B4GALNT4: variants seen among roughly 807,000 people sequenced by gnomAD.
B4GALNT4 encodes N-acetyl-beta-glucosaminyl-glycoprotein 4-beta-N-acetylgalactosaminyltransferase 1.
In B4GALNT4, 77 loss-of-function variants were observed where a neutral mutation model predicts 110.0. The ratio of observed to expected loss-of-function variants is 0.70; its 90% CI spans 0.58 to 0.85. The LOEUF (loss-of-function observed/expected upper bound fraction) is 0.85. Among genes scored for constraint, B4GALNT4 ranks in the 40% least tolerant of loss-of-function variants. B4GALNT4 has a pLI of 0.00. For missense variants in B4GALNT4, 1,575 were observed against 1,506.0 expected (o/e 1.05, Z -0.76); for synonymous variants, 785 against 655.5 (o/e 1.20, Z -3.02).
intron 3 of B4GALNT4, 46 bp from the exon 4 acceptor site, chr11:372,806 G>T (rs201405912): frequency 6.6e-6 from 10 of 1,526,074 alleles, no homozygotes; most frequent in Middle Eastern, 2.3e-4. Context: ...GGGCTGGGGC[G>T]GGGGGGCGGC....
rs1185117738 is a variant in B4GALNT4, at chr11:369,972, C to CGGGGGGCGCGGGGGGCG, written c.151+23_151+39dup. On this transcript the variant is annotated intron_variant, in intron 1 of 19. Coordinates refer to ENST00000329962, the MANE Select transcript of B4GALNT4 (RefSeq NM_178537.5). ...CGGGCGAGGTACGGCGCGGGGGGCG[C>CGGGGGGCGCGGGGGGCG]GGGGGGCGCGGGGGGCGGGGGCGGC... 2 of 140,500 alleles carry CGGGGGGCGCGGGGGGCG rather than the reference C, an allele frequency of 1.4e-5. No individual in the cohort carries two copies. Among genetic ancestry groups the CGGGGGGCGCGGGGGGCG allele is most frequent in the African/African-American group, 1.6e-4 (2 of 12,776 alleles). The allele number at this position is 140,500 out of a possible 1,614,324, so 8.7% of individuals were successfully genotyped here.
Position 379,644 on chromosome 11 carries a change from T to C in B4GALNT4, c.2431T>C (p.Cys811Arg). The change falls in exon 15 of 20, where the codon TGC becomes CGC. Residue 811 changes from cysteine (C) to arginine (R), a missense_variant. Coordinates refer to ENST00000329962, the MANE Select transcript of B4GALNT4 (RefSeq NM_178537.5). ...SVRPDGRPELCRPLRLAWRQD... is the reference protein window; with the variant it reads ...SVRPDGRPELRRPLRLAWRQD... ...GCGCCCCGACGGCCGCCCCGAGCTCTGCCGGCCACTGCGCCTGGCCTGGCG... is the reference window on the plus strand; with the variant it reads ...GCGCCCCGACGGCCGCCCCGAGCTCCGCCGGCCACTGCGCCTGGCCTGGCG... 1 of 1,505,274 alleles carries C rather than the reference T, an allele frequency of 6.6e-7. No individual in the cohort carries two copies. Among genetic ancestry groups the C allele is most frequent in the Non-Finnish European group, 8.8e-7 (1 of 1,131,286 alleles). The allele number at this position is 1,505,274 out of a possible 1,614,324, so 93.2% of individuals were successfully genotyped here.
intron 14 of B4GALNT4, among the ~76,000 whole-genome samples, chr11:378,070 G>A (rs190571713): frequency 9.9e-4 from 151 of 152,308 alleles, no homozygotes; most frequent in Non-Finnish European, 1.6e-3. Flanking sequence ...GTGATGGAAG[G>A]TTGCGAGCAG....
chr11:370,162 G>A (rs1846591958), intron 1 of B4GALNT4, among the ~76,000 whole-genome samples: 1 of 151,836 alleles, frequency 6.6e-6, no homozygotes, highest in South Asian at 2.1e-4. Flanking sequence ...GGGGGGAGGG[G>A]GCGCGGTTCG....
chr11:373,306 G>A lies in B4GALNT4; in HGVS notation c.636+15G>A. ...TTGTGGGCAAGGTACCCCCACCCCA[G>A]CCCTGGTGTCGTCCCGGGCCTCCTG... On this transcript the variant is annotated intron_variant, in intron 6 of 19. Coordinates refer to ENST00000329962, the MANE Select transcript of B4GALNT4 (RefSeq NM_178537.5). The A allele has an allele frequency of 1.2e-6, 2 of 1,604,236 alleles. No individual in the cohort carries two copies. Among genetic ancestry groups the A allele is most frequent in the Non-Finnish European group, 1.7e-6 (2 of 1,174,454 alleles).
intron 7 of B4GALNT4, 54 bp from the exon 8 acceptor site, chr11:373,696 T>A: frequency 6.3e-7 from 1 of 1,587,970 alleles, no homozygotes. Flanking sequence ...CTTCCCTGCC[T>A]CCACTATTTG....
In B4GALNT4 at chr11:373,249, C is replaced by T. The variant is rs748120421; in HGVS notation, c.594C>T (p.Asp198=). The change falls in exon 6 of 20, where the codon GAC becomes GAT. Residue 198 remains aspartate, a synonymous_variant. Transcript: ENST00000329962. ...ACTCGGAGTTCTGGCTGAGTCTGGA[C>T]GAGAGCCCTGCTGCTGCCCAGCTTG... is the stretch of plus-strand genomic sequence containing the variant. ...DDNSEFWLSL[D]ESPAAAQLVA... The T allele has an allele frequency of 2.7e-5, 43 of 1,611,926 alleles. No homozygotes were observed. The highest frequency in any genetic ancestry group is 3.3e-5 in the Non-Finnish European group (39 of 1,179,372).
In B4GALNT4 at chr11:375,704, G is replaced by A. The variant is rs980165453; in HGVS notation, c.916G>A (p.Gly306Arg). The change falls in exon 10 of 20, where the codon GGG becomes AGG. Residue 306 changes from glycine to arginine, a missense_variant. Coordinates refer to ENST00000329962, the MANE Select transcript of B4GALNT4 (RefSeq NM_178537.5). The stretch of plus-strand genomic sequence containing the variant: ...CCAGTCTCCAGCCAGCCACGTGGGG[G>A]GGCGTCCGCCGCAGGAGGAGACCAG... ...VPQSPASHVGGRPPQEETSAD... is the reference protein window; with the variant it reads ...VPQSPASHVGRRPPQEETSAD... The A allele has an allele frequency of 4.4e-6, 7 of 1,594,486 alleles. No homozygotes were observed. Among genetic ancestry groups the A allele is most frequent in the African/African-American group, 2.7e-5 (2 of 74,878 alleles).
intron 2 of B4GALNT4, 25 bp downstream of exon 2, chr11:372,237 C>T (rs749035349): frequency 2.1e-5 from 32 of 1,542,744 alleles, no homozygotes; most frequent in African/African-American, 5.5e-5. Flanking sequence ...GGGGAGAACA[C>T]GTGTGCACGG....
At chr11:373,573 G>A (rs970661703) in intron 7 of B4GALNT4, 57 bp downstream of exon 7, 25 of 1,577,400 alleles carry the variant, frequency 1.6e-5, no homozygotes, top group South Asian at 5.5e-5. Flanking sequence ...AGGGGGTTAC[G>A]CGCTGTCTCC....
In B4GALNT4 at chr11:373,419, C is replaced by CCCCCGCCA. The variant is rs10624593; in HGVS notation, c.637-30_637-29insCCCCGCCA. ...CAGGGAGAGAGTGAACCCCCCCCCC[C>CCCCCGCCA]ACCACCACCCCTGCTCTATCACCCC... On this transcript the variant is annotated intron_variant, in intron 6 of 19. Coordinates refer to ENST00000329962, the MANE Select transcript of B4GALNT4 (RefSeq NM_178537.5). 5.1e-4 allele frequency: 558 copies of CCCCCGCCA among 1,083,558 alleles called. 10 individuals carry two copies. The highest frequency in any genetic ancestry group is 1.5e-3 in the Middle Eastern group (6 of 3,970). The allele number at this position is 1,083,558 out of a possible 1,614,324, so 67.1% of individuals were successfully genotyped here.
At chr11:377,659 T>C (rs1388728391) in intron 14 of B4GALNT4, among the ~76,000 whole-genome samples, 1 of 152,190 alleles carries the variant, frequency 6.6e-6, no homozygotes, top group Admixed American at 6.5e-5. Flanking sequence ...TCAGCGTCAG[T>C]CGCATCCAGT....
At chr11:380,554 C>A in intron 18 of B4GALNT4, 109 bp downstream of exon 18, 1 of 1,436,156 alleles carries the variant, frequency 7.0e-7, no homozygotes, top group Non-Finnish European at 9.5e-7. Context: ...CCTGGGAGTC[C>A]ATCAGTGCTC....
In B4GALNT4 at chr11:375,468, C is replaced by G; in HGVS notation, c.791C>G (p.Ala264Gly). The change falls in exon 9 of 20, where the codon GCT (alanine) becomes GGT (glycine). Residue 264 changes from alanine (A) to glycine (G), a missense_variant. Coordinates refer to ENST00000329962, the MANE Select transcript of B4GALNT4 (RefSeq NM_178537.5). ...ACCCTCTCTGCCCCGCAGTGGCGAG[C>G]TTTCCTGCCCGGCCTGAAGTTCGAG... ...GSDHVEVGWR[A>G]FLPGLKFEVI... 6.2e-7 allele frequency: 1 copy of G among 1,611,858 alleles called. No individual in the cohort carries two copies.
At chr11:377,645 G>C (rs1307940970) in intron 14 of B4GALNT4, among the ~76,000 whole-genome samples, 1 of 152,248 alleles carries the variant, frequency 6.6e-6, no homozygotes, top group Admixed American at 6.5e-5. Context: ...CCAAGCTGCA[G>C]AGATCAGCGT....
In B4GALNT4 at chr11:376,599, G is replaced by A; in HGVS notation, c.1476G>A (p.Arg492=). 3.6e-6 allele frequency: 5 copies of A among 1,382,906 alleles called. No individual in the cohort carries two copies. The highest frequency in any genetic ancestry group is 4.7e-6 in the Non-Finnish European group (5 of 1,072,762). The allele number at this position is 1,382,906 out of a possible 1,614,324, so 85.7% of individuals were successfully genotyped here. A position where few individuals can be genotyped will look rare whatever the true frequency, so the allele number is the denominator to read the frequency against. Reference sequence around the variant, plus strand: ...ACGGGGGGACCCCCAGGCACTCCCGGGCCCTGAGCTGGGCCGCCAGGGCCG... The same window carrying A: ...ACGGGGGGACCCCCAGGCACTCCCGAGCCCTGAGCTGGGCCGCCAGGGCCG... ...PRDGGTPRHS[R]ALSWAARAAR... The change falls in exon 14 of 20, where the codon CGG becomes CGA. Residue 492 remains arginine, a synonymous_variant. Coordinates refer to ENST00000329962, the MANE Select transcript of B4GALNT4 (RefSeq NM_178537.5).
chr11:377,483 C>G (rs1191662890), intron 14 of B4GALNT4, among the ~76,000 whole-genome samples, 156 bp downstream of exon 14: 1 of 152,144 alleles, frequency 6.6e-6, no homozygotes, highest in East Asian at 1.9e-4. Context: ...CCAGGGAAGC[C>G]CCAGCTTCTC....
Position 377,324 on chromosome 11 carries a change from G to GCGGGTATGGGGGC in B4GALNT4, c.2202_2204+10dup. The GCGGGTATGGGGGC allele has an allele frequency of 6.5e-7, 1 of 1,536,054 alleles. No homozygotes were observed. Among genetic ancestry groups the GCGGGTATGGGGGC allele is most frequent in the Non-Finnish European group, 8.7e-7 (1 of 1,144,710 alleles). On this transcript the variant is annotated frameshift_variant, in exon 14 of 20. Coordinates refer to ENST00000329962, the MANE Select transcript of B4GALNT4 (RefSeq NM_178537.5). LOFTEE classifies it high-confidence loss of function. ...ATGGAGCGGCTGAACGCGCGCCACGGCGGGTATGGGGGCGGCCGAACGCGC... is the reference window on the plus strand; with the variant it reads ...ATGGAGCGGCTGAACGCGCGCCACGGCGGGTATGGGGGCCGGGTATGGGGGCGGCCGAACGCGC...
intron 14 of B4GALNT4, among the ~76,000 whole-genome samples, chr11:378,164 A>G (rs1846799200): frequency 1.3e-5 from 2 of 152,114 alleles, no homozygotes; most frequent in South Asian, 2.1e-4. Context: ...GAGCAAAGGC[A>G]GGGGCAGAGG....
Sources: allele counts gnomAD v4.1 joint callset (sites outside exome capture counted in the v4.1 genomes callset), GRCh38; gene constraint gnomAD v4.1.1; transcripts MANE v1.5; gene names NCBI Gene and HGNC (gene_info 2026-07-23, HGNC 2026-07-21).